The following ADAMTS6 variants were observed in gnomAD, a reference collection of about 807,000 sequenced individuals.
The protein encoded by ADAMTS6 is ADAM metallopeptidase with thrombospondin type 1 motif 6.
ADAMTS6 carries 23 observed loss-of-function variants against 144.3 expected under a neutral mutation model. That is an observed-to-expected ratio of 0.16 (90% CI 0.11 to 0.23). The LOEUF (loss-of-function observed/expected upper bound fraction) is 0.23, where lower values mean the gene tolerates loss of function less well. Ranked by LOEUF, ADAMTS6 falls within the 10% of genes least tolerant of loss-of-function variation. The pLI is 1.00. For missense variants in ADAMTS6, 999 were observed against 1,379.6 expected (o/e 0.72, Z 4.37); for synonymous variants, 444 against 457.5 (o/e 0.97, Z 0.38).
chr5:65,438,388 C>T (rs191094993), intron 7 of ADAMTS6, among the ~76,000 whole-genome samples: 7 of 152,184 alleles, frequency 4.6e-5, no homozygotes, highest in Non-Finnish European at 8.8e-5. Context: ...ATTAGCCAGC[C>T]GTGGTGTCGG....
At chr5:65,257,372 TG>T (rs144348594) in intron 14 of ADAMTS6, among the ~76,000 whole-genome samples, 11,461 of 152,218 alleles carry the variant, frequency 0.075, 481 homozygotes, top group Middle Eastern at 0.095. Context: ...TTTCATTCTC[TG>T]ATCTCCTCAC....
intron 7 of ADAMTS6, among the ~76,000 whole-genome samples, chr5:65,365,446 G>C (rs2150110611): frequency 6.6e-6 from 1 of 152,228 alleles, no homozygotes; most frequent in East Asian, 1.9e-4. Context: ...AGGAGTTTGA[G>C]ATCAGCTTGG....
intron 7 of ADAMTS6, among the ~76,000 whole-genome samples, chr5:65,350,838 G>C (rs915765454): frequency 2.6e-5 from 4 of 152,092 alleles, no homozygotes; most frequent in African/African-American, 9.7e-5. Flanking sequence ...AGGAGAGACA[G>C]GGTCTCACCA....
At position 65,260,600 on chromosome 5, in the gene ADAMTS6, A is replaced by T; in HGVS notation, c.1830T>A (p.Asp610Glu). The change falls in exon 14 of 25, where the codon GAT becomes GAA. Residue 610 changes from aspartate (D) to glutamate (E), a missense_variant and splice_region_variant. Coordinates refer to ENST00000381055, the MANE Select transcript of ADAMTS6 (RefSeq NM_197941.4). ...ERKRYRSCNT[D>E]PCPLGSRDFR... ...CATAACAGAGTTTGGTTTTACTTACATCTGTGTTACAGGAGCGATACCGTT... is the reference window on the plus strand; with the variant it reads ...CATAACAGAGTTTGGTTTTACTTACTTCTGTGTTACAGGAGCGATACCGTT... 2 of 1,613,236 alleles carry T rather than the reference A, an allele frequency of 1.2e-6. No individual in the cohort carries two copies. The highest frequency in any genetic ancestry group is 2.2e-5 in the South Asian group (2 of 90,968).
At chr5:65,325,260 T>G (rs1235954580) in intron 9 of ADAMTS6, among the ~76,000 whole-genome samples, 1 of 152,174 alleles carries the variant, frequency 6.6e-6, no homozygotes, top group African/African-American at 2.4e-5. Flanking sequence ...CACTGAACCA[T>G]ATACAGAATG....
chr5:65,473,905 A>T lies in ADAMTS6; in HGVS notation c.-232T>A. The T allele has an allele frequency of 1.9e-6, 1 of 523,792 alleles. No individual in the cohort carries two copies. Among genetic ancestry groups the T allele is most frequent in the Non-Finnish European group, 3.4e-6 (1 of 295,406 alleles). The allele number at this position is 523,792 out of a possible 1,614,324, so 32.4% of individuals were successfully genotyped here. A position where few individuals can be genotyped will look rare whatever the true frequency, so the allele number is the denominator to read the frequency against. ...AATAATGATGGTAAAAGTTTTCATAAGCAAAGCATTAGGCTGATTAGTTAC... is the reference window on the plus strand; with the variant it reads ...AATAATGATGGTAAAAGTTTTCATATGCAAAGCATTAGGCTGATTAGTTAC... On this transcript the variant is annotated 5_prime_UTR_variant, in exon 2 of 25. Coordinates refer to ENST00000381055, the MANE Select transcript of ADAMTS6 (RefSeq NM_197941.4).
intron 15 of ADAMTS6, among the ~76,000 whole-genome samples, chr5:65,229,124 T>C (rs1757944801): frequency 6.6e-6 from 1 of 152,124 alleles, no homozygotes; most frequent in Non-Finnish European, 1.5e-5. Flanking sequence ...TCATACAACT[T>C]GAGCATTTAG....
At chr5:65,176,394 A>G (rs1463472379) in intron 22 of ADAMTS6, among the ~76,000 whole-genome samples, 2 of 152,218 alleles carry the variant, frequency 1.3e-5, no homozygotes, top group Non-Finnish European at 2.9e-5. Context: ...AGTAAAATAT[A>G]CCTTTGGTAA....
At chr5:65,425,997 C>T (rs1028733361) in intron 7 of ADAMTS6, among the ~76,000 whole-genome samples, 10 of 151,414 alleles carry the variant, frequency 6.6e-5, no homozygotes, top group African/African-American at 1.9e-4. Context: ...GTGATCCGCC[C>T]GCCTCGGCCT....
At chr5:65,282,474 G>A (rs977640715) in intron 11 of ADAMTS6, among the ~76,000 whole-genome samples, 1 of 152,118 alleles carries the variant, frequency 6.6e-6, no homozygotes, top group Admixed American at 6.6e-5. Flanking sequence ...AAAGGTGCCA[G>A]ACTCCCAGTT....
chr5:65,262,252 A>T (rs900132055), intron 13 of ADAMTS6, among the ~76,000 whole-genome samples: 24 of 152,314 alleles, frequency 1.6e-4, no homozygotes, highest in African/African-American at 5.8e-4. Context: ...TGACCTGCAT[A>T]AAACAGTCAT....
intron 13 of ADAMTS6, 56 bp from the exon 14 acceptor site, chr5:65,260,719 G>A (rs1465306824): frequency 7.5e-7 from 1 of 1,338,548 alleles, no homozygotes; most frequent in Non-Finnish European, 1.1e-6. Flanking sequence ...CATACAAAGA[G>A]TATATATATT....
intron 15 of ADAMTS6, among the ~76,000 whole-genome samples, chr5:65,241,185 G>C (rs1243361933): frequency 6.7e-6 from 1 of 150,058 alleles, no homozygotes; most frequent in African/African-American, 2.5e-5. Context: ...TAAGATACTG[G>C]AAAAGCAAGC....
chr5:65,289,994 G>A lies in ADAMTS6; in HGVS notation c.1512+1335C>T, dbSNP rs891325466. ...AAGAAACTAGAACCATACAAAATAAGATTAAGGATAAGCCAAAGTTTTACA... is the reference window on the plus strand; with the variant it reads ...AAGAAACTAGAACCATACAAAATAAAATTAAGGATAAGCCAAAGTTTTACA... On this transcript the variant is annotated intron_variant, in intron 11 of 24. Transcript: ENST00000381055. 3.3e-5 allele frequency among the ~76,000 whole-genome samples: 5 copies of A among 152,088 alleles called. No individual in the cohort carries two copies. In the South Asian group the frequency reaches 1.0e-3, roughly 31 times the overall value.
intron 7 of ADAMTS6, among the ~76,000 whole-genome samples, chr5:65,447,221 A>T (rs1758340315): frequency 6.6e-6 from 1 of 152,108 alleles, no homozygotes; most frequent in Non-Finnish European, 1.5e-5. Context: ...CACAAAACAG[A>T]TTTAGATATT....
intron 7 of ADAMTS6, among the ~76,000 whole-genome samples, chr5:65,448,383 G>T (rs890008277): frequency 6.6e-6 from 1 of 151,814 alleles, no homozygotes; most frequent in Non-Finnish European, 1.5e-5. Context: ...AATCTCAAAC[G>T]GTTTTCTGCA....
chr5:65,309,591 TACACAC>T (rs149843490), intron 9 of ADAMTS6, among the ~76,000 whole-genome samples: 1 of 147,204 alleles, frequency 6.8e-6, no homozygotes, highest in African/African-American at 2.5e-5. Context: ...CCTGTTATAA[TACACAC>T]ACACACACAC....
intron 7 of ADAMTS6, among the ~76,000 whole-genome samples, chr5:65,363,065 C>T (rs1580494703): frequency 6.6e-6 from 1 of 152,222 alleles, no homozygotes; most frequent in African/African-American, 2.4e-5. Context: ...AGAAGCCTGT[C>T]ACGGTTTCAC....
In ADAMTS6 at chr5:65,446,696, A is replaced by C. The variant is rs1482546173; in HGVS notation, c.1073+4779T>G. On this transcript the variant is annotated intron_variant, in intron 7 of 24. Transcript: ENST00000381055. Reference sequence around the variant, plus strand: ...AAACACTGTGCTAAGTAAAAGAGGCAAGTCACAAAAGACCACATATTGTAT... The same window carrying C: ...AAACACTGTGCTAAGTAAAAGAGGCCAGTCACAAAAGACCACATATTGTAT... 2.0e-5 allele frequency among the ~76,000 whole-genome samples: 3 copies of C among 152,200 alleles called. No individual in the cohort carries two copies. In the East Asian group the frequency reaches 5.8e-4, roughly 29 times the overall value.
Sources: allele counts gnomAD v4.1 joint callset (sites outside exome capture counted in the v4.1 genomes callset), GRCh38; gene constraint gnomAD v4.1.1; transcripts MANE v1.5; gene names NCBI Gene and HGNC (gene_info 2026-07-23, HGNC 2026-07-21).